Variants in GRIK1 observed in about 807,000 individuals in gnomAD.
GRIK1 encodes glutamate ionotropic receptor kainate type subunit 1, also known as glutamate receptor ionotropic, kainate 1.
GRIK1 carries 69 observed loss-of-function variants against 105.7 expected under a neutral mutation model. That is an observed-to-expected ratio of 0.65 (90% CI 0.54 to 0.80). The LOEUF is 0.80. Among genes scored for constraint, GRIK1 ranks in the 30% least tolerant of loss-of-function variants. The pLI is 0.00. For missense variants in GRIK1, 1,109 were observed against 1,167.3 expected, an observed-to-expected ratio of 0.95 and a Z score of 0.73; for synonymous variants, 438 against 431.3, an observed-to-expected ratio of 1.02 and a Z score of -0.19.
chr21:29,848,251 T>C (rs1176438467), intron 1 of GRIK1, among the ~76,000 whole-genome samples: 1 of 152,174 alleles, frequency 6.6e-6, no homozygotes, highest in Non-Finnish European at 1.5e-5. Flanking sequence ...CAATGTACAA[T>C]GCATGCTTCT....
chr21:29,896,396 A>T (rs772267888), intron 1 of GRIK1, among the ~76,000 whole-genome samples: 1 of 152,162 alleles, frequency 6.6e-6, no homozygotes, highest in Non-Finnish European at 1.5e-5. Context: ...AATATGCTAC[A>T]TATTTTACTT....
intron 12 of GRIK1, among the ~76,000 whole-genome samples, chr21:29,584,486 C>A (rs1177777451): frequency 2.0e-5 from 3 of 152,096 alleles, no homozygotes; most frequent in African/African-American, 4.8e-5. Context: ...AACCACAAAA[C>A]AAAAACCCTG....
intron 17 of GRIK1, 66 bp from the exon 18 acceptor site, chr21:29,537,451 C>G (rs2089898257): frequency 7.8e-7 from 1 of 1,277,756 alleles, no homozygotes; most frequent in Non-Finnish European, 1.1e-6. Context: ...TGACCTGCCT[C>G]TTGCCTAGGT....
intron 1 of GRIK1, among the ~76,000 whole-genome samples, chr21:29,912,883 T>A (rs2070868013): frequency 6.6e-6 from 1 of 152,074 alleles, no homozygotes; most frequent in African/African-American, 2.4e-5. Flanking sequence ...TACATTTACA[T>A]TCAAAATATA....
chr21:29,648,499 G>A (rs891859914), intron 6 of GRIK1, among the ~76,000 whole-genome samples: 2 of 152,136 alleles, frequency 1.3e-5, no homozygotes, highest in Non-Finnish European at 2.9e-5. Context: ...TTTAGTAGAA[G>A]CTTAATTCTT....
At chr21:29,856,929 G>T (rs1459042282) in intron 1 of GRIK1, among the ~76,000 whole-genome samples, 1 of 152,084 alleles carries the variant, frequency 6.6e-6, no homozygotes, top group Non-Finnish European at 1.5e-5. Context: ...TTGAGGAACT[G>T]CCAGGAGCTC....
intron 1 of GRIK1, among the ~76,000 whole-genome samples, chr21:29,791,401 T>C (rs556243708): frequency 7.5e-4 from 114 of 152,188 alleles, no homozygotes; most frequent in Non-Finnish European, 1.4e-3. Context: ...GAGTCGTTCC[T>C]GTGGTTTAGT....
intron 7 of GRIK1, among the ~76,000 whole-genome samples, chr21:29,603,289 C>T (rs1181376649): frequency 3.3e-5 from 5 of 151,632 alleles, no homozygotes; most frequent in Non-Finnish European, 7.4e-5. Context: ...CCAACTTTTT[C>T]CTCTAAGCTG....
intron 1 of GRIK1, among the ~76,000 whole-genome samples, chr21:29,814,231 G>A (rs1261374126): frequency 2.0e-5 from 3 of 151,388 alleles, no homozygotes; most frequent in African/African-American, 4.9e-5. Flanking sequence ...GATTACAGCC[G>A]TGAGTCACCG....
chr21:29,640,338 C>T (rs2062486538), intron 7 of GRIK1, among the ~76,000 whole-genome samples: 1 of 152,150 alleles, frequency 6.6e-6, no homozygotes, highest in Non-Finnish European at 1.5e-5. Flanking sequence ...TGCCAGTCCT[C>T]CAGCAGGCTG....
At chr21:29,755,497 G>A (rs983608917) in intron 1 of GRIK1, among the ~76,000 whole-genome samples, 1 of 152,216 alleles carries the variant, frequency 6.6e-6, no homozygotes, top group Non-Finnish European at 1.5e-5. Flanking sequence ...CATTCCAGGT[G>A]GGGGATCTGA....
chr21:29,870,979 T>A (rs969535254), intron 1 of GRIK1, among the ~76,000 whole-genome samples: 8 of 152,088 alleles, frequency 5.3e-5, no homozygotes, highest in African/African-American at 1.7e-4. Flanking sequence ...GCTCTCAAGT[T>A]CTGGCCGTGT....
At chr21:29,719,991 T>A (rs1393454177) in intron 1 of GRIK1, among the ~76,000 whole-genome samples, 1 of 152,256 alleles carries the variant, frequency 6.6e-6, no homozygotes, top group Non-Finnish European at 1.5e-5. Flanking sequence ...TCTTTCATTT[T>A]AAAAATACTT....
chr21:29,562,797 ATTC>A (rs1478346671), intron 14 of GRIK1, among the ~76,000 whole-genome samples: 1 of 152,134 alleles, frequency 6.6e-6, no homozygotes, highest in African/African-American at 2.4e-5. Context: ...CTTTTCTCAT[ATTC>A]TTCAGCTTTT....
At chr21:29,616,677 C>T (rs866468088) in intron 7 of GRIK1, among the ~76,000 whole-genome samples, 26 of 152,166 alleles carry the variant, frequency 1.7e-4, no homozygotes, top group Admixed American at 5.9e-4. Flanking sequence ...AAATAAATCC[C>T]GTGGCATTTC....
chr21:29,911,642 T>C (rs377340082), intron 1 of GRIK1, among the ~76,000 whole-genome samples: 1 of 152,012 alleles, frequency 6.6e-6, no homozygotes, highest in Admixed American at 6.6e-5. Flanking sequence ...GGAGGTAATA[T>C]GGTTTAGGTG....
chr21:29,717,028 T>G (rs1056116366), intron 1 of GRIK1, among the ~76,000 whole-genome samples: 6 of 152,236 alleles, frequency 3.9e-5, no homozygotes, highest in African/African-American at 1.4e-4. Flanking sequence ...GGGGCCCAAG[T>G]GCAGCTCACG....
chr21:29,929,775 A>C (rs1427985012), intron 1 of GRIK1, among the ~76,000 whole-genome samples: 1 of 152,216 alleles, frequency 6.6e-6, no homozygotes, highest in African/African-American at 2.4e-5. Flanking sequence ...TTAAAAAACT[A>C]AAAATAAAAT....
At chr21:29,663,765 T>C (rs1411788836) in intron 4 of GRIK1, among the ~76,000 whole-genome samples, 1 of 152,156 alleles carries the variant, frequency 6.6e-6, no homozygotes, top group East Asian at 1.9e-4. Context: ...TTATTCTTAA[T>C]GCAACATCCA....
Sources: gnomAD v4.1 joint callset for allele counts (sites outside exome capture counted in the v4.1 genomes callset) on GRCh38, gnomAD v4.1.1 for gene constraint, MANE v1.5 for transcripts, NCBI Gene and HGNC (gene_info 2026-07-23, HGNC 2026-07-21) for gene names.